EPHA3: variants seen among roughly 807,000 people sequenced by gnomAD.
EPHA3 encodes EPH receptor A3.
EPHA3 carries 42 observed loss-of-function variants against 107.1 expected under a neutral mutation model. The observed-to-expected ratio is 0.39, with a 90% CI of 0.31 to 0.51. EPHA3 has a LOEUF of 0.51. EPHA3 is among the 20% of genes least tolerant of loss of function. EPHA3 has a pLI of 0.78. For missense variants in EPHA3, 1,183 were observed against 1,211.2 expected (o/e 0.98, Z 0.35); for synonymous variants, 461 against 424.8 (o/e 1.09, Z -1.05).
chr3:89,425,035 G>T (rs1302034195), intron 11 of EPHA3, among the ~76,000 whole-genome samples: 1 of 151,302 alleles, frequency 6.6e-6, no homozygotes, highest in East Asian at 1.9e-4. Context: ...TTGATCAATT[G>T]TAACTGGCAC....
chr3:89,258,289 G>GC (rs2107275423), intron 3 of EPHA3, among the ~76,000 whole-genome samples: 1 of 152,280 alleles, frequency 6.6e-6, no homozygotes, highest in African/African-American at 2.4e-5. Flanking sequence ...GAAACGACAA[G>GC]CAAGTGTGAT....
rs767367641 is a variant in EPHA3, at chr3:89,107,655, A to G, written c.-94A>G. On this transcript the variant is annotated 5_prime_UTR_variant, in exon 1 of 17. An upstream start codon of the reference 5' UTR is lost. Coordinates refer to ENST00000336596, the MANE Select transcript of EPHA3 (RefSeq NM_005233.6). Reference sequence around the variant, plus strand: ...CTTGACATCAGCCTGCGAGCGGAGCATGGTAACTTCTCCAGCAATCAGAGC... The same window carrying G: ...CTTGACATCAGCCTGCGAGCGGAGCGTGGTAACTTCTCCAGCAATCAGAGC... 10 of 1,155,744 alleles carry G rather than the reference A, an allele frequency of 8.7e-6. No individual in the cohort carries two copies. Among genetic ancestry groups the G allele is most frequent in the Non-Finnish European group, 1.3e-5 (10 of 778,156 alleles). 71.6% of individuals were successfully genotyped at this position (1,155,744 alleles called of 1,614,324 possible). A position where few individuals can be genotyped will look rare whatever the true frequency, so the allele number is the denominator to read the frequency against.
At chr3:89,242,409 T>C (rs1038417089) in intron 3 of EPHA3, among the ~76,000 whole-genome samples, 1 of 152,114 alleles carries the variant, frequency 6.6e-6, no homozygotes, top group Non-Finnish European at 1.5e-5. Flanking sequence ...AGTATTTTCT[T>C]TTTTGTTGTT....
At chr3:89,123,545 A>C (rs951766344) in intron 1 of EPHA3, among the ~76,000 whole-genome samples, 5 of 152,214 alleles carry the variant, frequency 3.3e-5, no homozygotes, top group African/African-American at 1.2e-4. Flanking sequence ...TGCCCATCTG[A>C]AAGTCAAATC....
Position 89,481,330 on chromosome 3 carries a change from A to G in EPHA3, c.*1828A>G, listed in dbSNP as rs954975352. 3.9e-5 allele frequency: 9 copies of G among 232,016 alleles called. No homozygotes were observed. Among genetic ancestry groups the G allele is most frequent in the Non-Finnish European group, 7.7e-5 (9 of 117,346 alleles). The allele number at this position is 232,016 out of a possible 1,614,324, so 14.4% of individuals were successfully genotyped here. ...TCAAATCAGGCTACTAGAATTCTGT[A>G]TTGGATATATAAGAGCATGAAATTT... On this transcript the variant is annotated 3_prime_UTR_variant, in exon 17 of 17. Coordinates refer to ENST00000336596, the MANE Select transcript of EPHA3 (RefSeq NM_005233.6).
chr3:89,413,313 C>G (rs750606489), intron 10 of EPHA3, 47 bp downstream of exon 10: 1 of 1,607,340 alleles, frequency 6.2e-7, no homozygotes. Context: ...ATGTGAATCA[C>G]GATTGCTCAG....
chr3:89,267,026 A>G (rs899603873), intron 3 of EPHA3, among the ~76,000 whole-genome samples: 8 of 152,082 alleles, frequency 5.3e-5, no homozygotes, highest in African/African-American at 9.7e-5. Flanking sequence ...ACCACTTCTC[A>G]TATTATGCTT....
intron 4 of EPHA3, among the ~76,000 whole-genome samples, 170 bp downstream of exon 4, chr3:89,341,241 C>T (rs1707514385): frequency 6.6e-6 from 1 of 152,186 alleles, no homozygotes; most frequent in Non-Finnish European, 1.5e-5. Context: ...ACAAATGCAA[C>T]ATTTATCACA....
chr3:89,305,575 A>G (rs1483588317), intron 3 of EPHA3, among the ~76,000 whole-genome samples: 2 of 152,136 alleles, frequency 1.3e-5, no homozygotes, highest in Non-Finnish European at 2.9e-5. Flanking sequence ...GGTATTCTTT[A>G]ATATCTCCTT....
chr3:89,160,220 CA>C (rs571226459), intron 2 of EPHA3, among the ~76,000 whole-genome samples: 105 of 152,108 alleles, frequency 6.9e-4, no homozygotes, highest in Middle Eastern at 3.4e-3. Flanking sequence ...GAATGGATCT[CA>C]CATTTCTTCT....
chr3:89,390,785 A>ACTTTT (rs777460537), intron 5 of EPHA3, among the ~76,000 whole-genome samples: 1 of 132,106 alleles, frequency 7.6e-6, no homozygotes, highest in Admixed American at 7.7e-5. Context: ...ATTGAAAAGC[A>ACTTTT]TTTTTTTTTT....
chr3:89,389,556 T>C (rs1249273240), intron 5 of EPHA3, among the ~76,000 whole-genome samples: 2 of 152,270 alleles, frequency 1.3e-5, no homozygotes, highest in South Asian at 2.1e-4. Flanking sequence ...AAGAGGAAGG[T>C]CCCAATAAAA....
chr3:89,459,155 C>A (rs1159065841), intron 15 of EPHA3, among the ~76,000 whole-genome samples: 3 of 152,062 alleles, frequency 2.0e-5, no homozygotes, highest in African/African-American at 7.2e-5. Context: ...TGTAACAAAC[C>A]TGCAGGTTCA....
chr3:89,367,070 C>T (rs1175811948), intron 5 of EPHA3, among the ~76,000 whole-genome samples: 1 of 150,396 alleles, frequency 6.6e-6, no homozygotes, highest in Non-Finnish European at 1.5e-5. Context: ...GTTGCGTTTC[C>T]ACCTCATCTG....
At chr3:89,404,119 A>G (rs1175670621) in intron 7 of EPHA3, among the ~76,000 whole-genome samples, 3 of 152,174 alleles carry the variant, frequency 2.0e-5, no homozygotes, top group Non-Finnish European at 4.4e-5. Flanking sequence ...TTTGAAGAGT[A>G]AAAATGGTAC....
At position 89,378,282 on chromosome 3, in the gene EPHA3, T is replaced by G. The variant is rs188805149; in HGVS notation, c.1307-17555T>G. On this transcript the variant is annotated intron_variant, in intron 5 of 16. Transcript: ENST00000336596. ...ATAATAAAAAATTTTTTAAGTGTAT[T>G]GGGATATATTCACATCTCATGAAAT... Among the ~76,000 whole-genome samples, 196 of 152,264 alleles carry G rather than the reference T, an allele frequency of 1.3e-3. 1 individual carries two copies. Among genetic ancestry groups the G allele is most frequent in the African/African-American group, 4.5e-3 (188 of 41,566 alleles).
At chr3:89,246,067 A>G (rs1411980859) in intron 3 of EPHA3, among the ~76,000 whole-genome samples, 1 of 152,168 alleles carries the variant, frequency 6.6e-6, no homozygotes, top group Non-Finnish European at 1.5e-5. Flanking sequence ...CTTACGCTCA[A>G]TTTAAACAAT....
chr3:89,227,404 T>C (rs1287763737), intron 3 of EPHA3, among the ~76,000 whole-genome samples: 1 of 152,048 alleles, frequency 6.6e-6, no homozygotes, highest in Non-Finnish European at 1.5e-5. Flanking sequence ...AAGGGATCAC[T>C]TGCAGGTCTC....
chr3:89,389,588 C>T (rs866450377), intron 5 of EPHA3, among the ~76,000 whole-genome samples: 3 of 152,136 alleles, frequency 2.0e-5, no homozygotes, highest in Non-Finnish European at 2.9e-5. Context: ...AAACCAGATC[C>T]TTTATGGGTT....
Sources: gnomAD v4.1 joint callset for allele counts (sites outside exome capture counted in the v4.1 genomes callset) on GRCh38, gnomAD v4.1.1 for gene constraint, MANE v1.5 for transcripts, NCBI Gene and HGNC (gene_info 2026-07-23, HGNC 2026-07-21) for gene names.